The following TMEM164 variants were observed in gnomAD, a reference collection of about 807,000 sequenced individuals.
TMEM164 encodes transmembrane protein 164.
Under a neutral mutation model 18.8 loss-of-function variants are expected in TMEM164, and 4 were observed. That is an observed-to-expected ratio of 0.21 (90% CI 0.10 to 0.49). The LOEUF (loss-of-function observed/expected upper bound fraction) is 0.49, where lower values mean the gene tolerates loss of function less well. TMEM164 is among the 20% of genes least tolerant of loss of function. The probability of loss-of-function intolerance (pLI) is 0.98; values close to 1 mark genes in which losing one functional copy is unlikely to be tolerated. For synonymous variants in TMEM164, 86 were observed against 101.7 expected (o/e 0.85, Z 0.93); for missense variants, 108 against 239.9 (o/e 0.45, Z 3.63).
chrX:110,008,130 C>T (rs185777928), intron 2 of TMEM164, among the ~76,000 whole-genome samples: 7 of 111,995 alleles, frequency 6.3e-5, no homozygotes, highest in Admixed American at 5.6e-4. Flanking sequence ...ATGGCTTACC[C>T]GCTTTTGGTT....
In TMEM164 at chrX:110,113,331, T is replaced by A. The variant is rs371484604; in HGVS notation, c.507+4185T>A. On this transcript the variant is annotated intron_variant, in intron 4 of 6. Coordinates refer to ENST00000372068, the MANE Select transcript of TMEM164 (RefSeq NM_032227.4). Reference sequence around the variant, plus strand: ...TATTTGCAATTGGTTTAGGTCTGGTTCTTTTAGATGGTTGGGATCCCTCTT... The same window carrying A: ...TATTTGCAATTGGTTTAGGTCTGGTACTTTTAGATGGTTGGGATCCCTCTT... 6.3e-5 allele frequency among the ~76,000 whole-genome samples: 7 copies of A among 111,780 alleles called. No individual in the cohort carries two copies. In the East Asian group the frequency reaches 1.4e-3, roughly 22 times the overall value.
intron 4 of TMEM164, among the ~76,000 whole-genome samples, chrX:110,126,524 G>A (rs1482204920): frequency 2.7e-5 from 3 of 111,755 alleles, no homozygotes; most frequent in Non-Finnish European, 5.6e-5. Flanking sequence ...CTATTTTCTC[G>A]AGGCCCACAG....
chrX:110,129,262 C>T (rs1282037637), intron 4 of TMEM164, among the ~76,000 whole-genome samples: 4 of 112,781 alleles, frequency 3.5e-5, no homozygotes, highest in African/African-American at 1.3e-4. Flanking sequence ...AGTAGATTTT[C>T]CTTATCGTCC....
chrX:110,151,848 C>T (rs773008860), intron 5 of TMEM164, among the ~76,000 whole-genome samples: 1 of 111,278 alleles, frequency 9.0e-6, no homozygotes, highest in African/African-American at 3.3e-5. Flanking sequence ...GCTCCTATCA[C>T]ATGCTCATTG....
chrX:110,046,558 C>A, intron 2 of TMEM164: 1 of 658,209 alleles, frequency 1.5e-6, no homozygotes, highest in Non-Finnish European at 1.8e-6. Flanking sequence ...TACCTTCTTT[C>A]TGTTAATAAA....
chrX:110,095,748 A>G lies in TMEM164; in HGVS notation c.441-13332A>G, dbSNP rs190121872. ...CTAGCGAGGAGCTATGTTCCTTTGGAGGAGAAGAGGCGCTCTGATGTTTGG... is the reference window on the plus strand; with the variant it reads ...CTAGCGAGGAGCTATGTTCCTTTGGGGGAGAAGAGGCGCTCTGATGTTTGG... On this transcript the variant is annotated intron_variant, in intron 3 of 6. Coordinates refer to ENST00000372068, the MANE Select transcript of TMEM164 (RefSeq NM_032227.4). Among the ~76,000 whole-genome samples the G allele has an allele frequency of 2.7e-5, 3 of 112,368 alleles. No homozygotes were observed. The East Asian group carries it at 8.4e-4, about 32-fold the overall frequency.
intron 2 of TMEM164, among the ~76,000 whole-genome samples, chrX:110,038,684 TCACCTTACCC>T (rs940361862): frequency 1.8e-5 from 2 of 109,450 alleles, no homozygotes; most frequent in African/African-American, 6.7e-5. Flanking sequence ...CAACCTTACC[TCACCTTACCC>T]CACCTTACCC....
intron 2 of TMEM164, among the ~76,000 whole-genome samples, chrX:110,029,053 G>A (rs1363558377): frequency 9.0e-6 from 1 of 111,424 alleles, no homozygotes; most frequent in East Asian, 2.8e-4. Context: ...CATGCTATAA[G>A]GGTGGCTTGG....
At chrX:110,103,501 A>G (rs1367386147) in intron 3 of TMEM164, among the ~76,000 whole-genome samples, 1 of 110,964 alleles carries the variant, frequency 9.0e-6, no homozygotes, top group African/African-American at 3.3e-5. Flanking sequence ...CAATTAAGGA[A>G]GAGGAATATA....
intron 4 of TMEM164, among the ~76,000 whole-genome samples, chrX:110,115,862 G>A (rs2066354768): frequency 8.9e-6 from 1 of 112,006 alleles, no homozygotes; most frequent in Admixed American, 9.5e-5. Context: ...GGTCAAGGCA[G>A]GAGGATTGCT....
rs1020012077 is a variant in TMEM164 at position 110,023,148 on chromosome X, G to A, written c.390+18984G>A. 2.2e-4 allele frequency among the ~76,000 whole-genome samples: 25 copies of A among 111,396 alleles called. 1 individual carries two copies. The highest frequency in any genetic ancestry group is 8.2e-4 in the African/African-American group (25 of 30,589). On this transcript the variant is annotated intron_variant, in intron 2 of 6. Coordinates refer to ENST00000372068, the MANE Select transcript of TMEM164 (RefSeq NM_032227.4). ...AAATTTTAGTCTTTCTTAAAACCTT[G>A]AGTGGGAAGGGCCAGCACTGGTTAC...
At chrX:110,159,718 G>T (rs1195876277) in intron 5 of TMEM164, among the ~76,000 whole-genome samples, 21 of 111,487 alleles carry the variant, frequency 1.9e-4, no homozygotes, top group African/African-American at 6.5e-4. Context: ...AACGAGGGAA[G>T]AGTAAACGTC....
Position 110,173,606 on chromosome X carries a change from C to T in TMEM164, c.*155C>T, listed in dbSNP as rs2148140034. 2 of 495,086 alleles carry T rather than the reference C, an allele frequency of 4.0e-6. No homozygotes were observed. The highest frequency in any genetic ancestry group is 3.3e-6 in the Non-Finnish European group (1 of 302,090). The allele number at this position is 495,086 out of a possible 1,213,427, so 40.8% of individuals were successfully genotyped here. ...CTGTCCCTTTCTTCTACCACTCTTCCTTTCCCAGCTCTTCCCCCTACGATG... is the reference window on the plus strand; with the variant it reads ...CTGTCCCTTTCTTCTACCACTCTTCTTTTCCCAGCTCTTCCCCCTACGATG... On this transcript the variant is annotated 3_prime_UTR_variant, in exon 7 of 7. Coordinates refer to ENST00000372068, the MANE Select transcript of TMEM164 (RefSeq NM_032227.4).
rs376285647 is a variant in TMEM164 at position 110,160,184 on chromosome X, A to G, written c.587-11236A>G. Among the ~76,000 whole-genome samples the G allele has an allele frequency of 2.7e-5, 3 of 112,059 alleles. No homozygotes were observed. In the East Asian group the frequency reaches 8.4e-4, roughly 31 times the overall value. ...GCAGTTCTTAACCTGGGGTTCACAA[A>G]TAGGATCTTAAGGGGTTCATTCACT... On this transcript the variant is annotated intron_variant, in intron 5 of 6. Transcript: ENST00000372068.
At chrX:110,020,237 A>T in intron 2 of TMEM164, 2 of 286,390 alleles carry the variant, frequency 7.0e-6, no homozygotes, top group Non-Finnish European at 9.4e-6. Flanking sequence ...GGTACATTCT[A>T]GATTCCTAAT....
At chrX:110,110,721 G>T (rs551233693) in intron 4 of TMEM164, among the ~76,000 whole-genome samples, 1 of 112,539 alleles carries the variant, frequency 8.9e-6, no homozygotes, top group South Asian at 3.6e-4. Flanking sequence ...CTGAATGTTT[G>T]TAACAAGTCC....
intron 2 of TMEM164, among the ~76,000 whole-genome samples, chrX:110,026,699 C>T (rs937610904): frequency 8.9e-6 from 1 of 112,001 alleles, no homozygotes; most frequent in Admixed American, 9.5e-5. Flanking sequence ...AAATAGCTTG[C>T]CTACAGTCAC....
intron 2 of TMEM164, among the ~76,000 whole-genome samples, chrX:110,021,971 G>C (rs1034163472): frequency 1.8e-5 from 2 of 111,428 alleles, no homozygotes; most frequent in African/African-American, 6.5e-5. Flanking sequence ...GGAGGTCAGA[G>C]TCCTCAACCC....
intron 3 of TMEM164, among the ~76,000 whole-genome samples, chrX:110,092,641 C>A: frequency 8.9e-6 from 1 of 111,971 alleles, no homozygotes; most frequent in Non-Finnish European, 1.9e-5. Flanking sequence ...AATATACAAT[C>A]ATGTCATCTG....
Sources: gnomAD v4.1 joint callset for allele counts (sites outside exome capture counted in the v4.1 genomes callset) on GRCh38, gnomAD v4.1.1 for gene constraint, MANE v1.5 for transcripts, NCBI Gene and HGNC (gene_info 2026-07-23, HGNC 2026-07-21) for gene names.